The following TBC1D1 variants were observed in gnomAD, a reference collection of about 807,000 sequenced individuals.
The protein encoded by TBC1D1 is TBC1 (tre-2/USP6, BUB2, cdc16) domain family, member 1.
A neutral mutation model predicts 125.6 loss-of-function variants in TBC1D1; 89 were observed. The observed-to-expected ratio is 0.71, with a 90% CI of 0.60 to 0.85. The LOEUF is 0.85. Ranked by LOEUF, TBC1D1 falls within the 40% of genes least tolerant of loss-of-function variation. The pLI, the probability that TBC1D1 is intolerant of heterozygous loss-of-function variation, is 0.00. For missense variants in TBC1D1, 1,377 were observed against 1,469.2 expected (o/e 0.94, Z 1.03); for synonymous variants, 565 against 564.1 (o/e 1.00, Z -0.02).
Position 37,928,961 on chromosome 4 carries a change from G to A in TBC1D1, c.417+26449G>A, listed in dbSNP as rs146940184. ...TTCTCCCTGAAAGGTCTCTAGGCTCGGCTTAGGAACTGTGGGTGAGGAAAC... is the reference window on the plus strand; with the variant it reads ...TTCTCCCTGAAAGGTCTCTAGGCTCAGCTTAGGAACTGTGGGTGAGGAAAC... On this transcript the variant is annotated intron_variant, in intron 2 of 19. Coordinates refer to ENST00000261439, the MANE Select transcript of TBC1D1 (RefSeq NM_015173.4). Among the ~76,000 whole-genome samples, 23 of 152,284 alleles carry A rather than the reference G, an allele frequency of 1.5e-4. No homozygotes were observed. The East Asian group carries it at 2.5e-3, about 17-fold the overall frequency.
At chr4:38,043,860 C>T (rs1406522725) in intron 8 of TBC1D1, among the ~76,000 whole-genome samples, 2 of 152,192 alleles carry the variant, frequency 1.3e-5, no homozygotes, top group Non-Finnish European at 1.5e-5. Flanking sequence ...TATGTTGTCT[C>T]ACCTTCTGAA....
At chr4:38,106,256 C>G (rs1386318244) in intron 15 of TBC1D1, among the ~76,000 whole-genome samples, 1 of 152,134 alleles carries the variant, frequency 6.6e-6, no homozygotes, top group Non-Finnish European at 1.5e-5. Context: ...GTGGCCTGCA[C>G]CCTCTCTAAG....
In TBC1D1 at chr4:37,991,384, C is replaced by G. The variant is rs547389313; in HGVS notation, c.418-23125C>G. ...TGATCTGGGGGCTCTTTAAACCTCT[C>G]TAACAAGTTTTTGTGCTAATCCTGA... On this transcript the variant is annotated intron_variant, in intron 2 of 19. Coordinates refer to ENST00000261439, the MANE Select transcript of TBC1D1 (RefSeq NM_015173.4). 7.2e-5 allele frequency among the ~76,000 whole-genome samples: 11 copies of G among 152,300 alleles called. No homozygotes were observed. In the East Asian group the frequency reaches 1.7e-3, roughly 24 times the overall value.
chr4:37,957,711 C>T (rs1203724512), intron 2 of TBC1D1, among the ~76,000 whole-genome samples: 4 of 152,210 alleles, frequency 2.6e-5, no homozygotes, highest in African/African-American at 9.6e-5. Flanking sequence ...TTATCCTACA[C>T]CACTTTTTCA....
At chr4:38,052,574 A>G (rs968800573) in intron 11 of TBC1D1, among the ~76,000 whole-genome samples, 1 of 151,954 alleles carries the variant, frequency 6.6e-6, no homozygotes, top group East Asian at 1.9e-4. Flanking sequence ...ACCTCAAGTG[A>G]TCCGCCTGCC....
At chr4:38,052,724 G>GTGCACACACACACA (rs1362899510) in intron 11 of TBC1D1, among the ~76,000 whole-genome samples, 130 of 59,972 alleles carry the variant, frequency 2.2e-3, no homozygotes, top group Middle Eastern at 0.011. Flanking sequence ...GCGCGCGCGC[G>GTGCACACACACACA]CGCGCACACA....
At chr4:37,997,199 G>A (rs2152398471) in intron 2 of TBC1D1, among the ~76,000 whole-genome samples, 2 of 152,282 alleles carry the variant, frequency 1.3e-5, no homozygotes, top group Admixed American at 1.3e-4. Context: ...ACAGACCAGT[G>A]CTTAGTATTA....
In TBC1D1 at chr4:37,984,096, G is replaced by T. The variant is rs981774100; in HGVS notation, c.418-30413G>T. Among the ~76,000 whole-genome samples, 103 of 151,964 alleles carry T rather than the reference G, an allele frequency of 6.8e-4. 1 individual carries two copies. Among genetic ancestry groups the T allele is most frequent in the Admixed American group, 6.7e-3 (103 of 15,266 alleles). On this transcript the variant is annotated intron_variant, in intron 2 of 19. Coordinates refer to ENST00000261439, the MANE Select transcript of TBC1D1 (RefSeq NM_015173.4). The stretch of plus-strand genomic sequence containing the variant: ...CCTGTGTGCTTTTTTTTTTAAAATG[G>T]CTTGATCATTTTTTTGTGCTGAATC...
intron 15 of TBC1D1, among the ~76,000 whole-genome samples, chr4:38,108,070 G>C (rs758895570): frequency 6.6e-6 from 1 of 152,128 alleles, no homozygotes; most frequent in South Asian, 2.1e-4. Context: ...GCATCCATTT[G>C]TCCAGCCCTC....
At chr4:38,043,178 A>T (rs1258038864) in intron 8 of TBC1D1, among the ~76,000 whole-genome samples, 1 of 151,988 alleles carries the variant, frequency 6.6e-6, no homozygotes, top group Non-Finnish European at 1.5e-5. Flanking sequence ...CTGAGATTAC[A>T]GGCATGAGCC....
intron 2 of TBC1D1, among the ~76,000 whole-genome samples, chr4:37,959,279 A>G (rs1033673288): frequency 1.3e-5 from 2 of 152,232 alleles, no homozygotes; most frequent in Non-Finnish European, 2.9e-5. Context: ...CGACTAACAT[A>G]TATTTCGTAT....
chr4:37,980,948 C>CT (rs58830277), intron 2 of TBC1D1, among the ~76,000 whole-genome samples: 14,203 of 146,642 alleles, frequency 0.097, 760 homozygotes, highest in Middle Eastern at 0.2. Context: ...AAAAAGGAAT[C>CT]TTTTTTTTTT....
At chr4:37,980,806 GT>G (rs35336506) in intron 2 of TBC1D1, among the ~76,000 whole-genome samples, 17,534 of 152,084 alleles carry the variant, frequency 0.12, 1,084 homozygotes, top group Middle Eastern at 0.2. Flanking sequence ...TTCAACAAGT[GT>G]TTTATTAGGT....
At chr4:38,071,424 T>C (rs1754684859) in intron 12 of TBC1D1, among the ~76,000 whole-genome samples, 1 of 152,272 alleles carries the variant, frequency 6.6e-6, no homozygotes, top group Non-Finnish European at 1.5e-5. Flanking sequence ...ATCATTTTTA[T>C]ATCTCTTTTT....
chr4:38,038,504 A>G (rs914353233), intron 8 of TBC1D1, among the ~76,000 whole-genome samples: 1 of 152,180 alleles, frequency 6.6e-6, no homozygotes, highest in African/African-American at 2.4e-5. Context: ...TTTAGCATGT[A>G]TATCATTAAC....
intron 2 of TBC1D1, among the ~76,000 whole-genome samples, chr4:37,964,560 C>T (rs1394603700): frequency 6.6e-6 from 1 of 152,180 alleles, no homozygotes; most frequent in African/African-American, 2.4e-5. Flanking sequence ...CCTGCCTTCC[C>T]GAGATCCGGC....
At chr4:38,068,922 C>T (rs1161239084) in intron 12 of TBC1D1, among the ~76,000 whole-genome samples, 2 of 152,212 alleles carry the variant, frequency 1.3e-5, no homozygotes, top group East Asian at 3.9e-4. Flanking sequence ...CACCATCAGC[C>T]TTCAGGGTGG....
At chr4:38,016,713 C>T (rs756064990) in intron 3 of TBC1D1, among the ~76,000 whole-genome samples, 1 of 152,130 alleles carries the variant, frequency 6.6e-6, no homozygotes, top group Non-Finnish European at 1.5e-5. Flanking sequence ...TCCAGATGGC[C>T]GCACTGAAAA....
intron 15 of TBC1D1, among the ~76,000 whole-genome samples, chr4:38,113,399 A>G (rs1441731515): frequency 1.3e-5 from 2 of 152,216 alleles, no homozygotes; most frequent in Non-Finnish European, 2.9e-5. Context: ...CCACTCTACA[A>G]GCGGTGTCAA....
Sources: gnomAD v4.1 joint callset for allele counts (sites outside exome capture counted in the v4.1 genomes callset) on GRCh38, gnomAD v4.1.1 for gene constraint, MANE v1.5 for transcripts, NCBI Gene and HGNC (gene_info 2026-07-23, HGNC 2026-07-21) for gene names.